Variants in LGR5 observed in about 807,000 individuals in gnomAD.
LGR5 encodes the protein leucine rich repeat containing G protein-coupled receptor 5, also known as leucine-rich repeat-containing G protein-coupled receptor 5.
In LGR5, 54 loss-of-function variants were observed where a neutral mutation model predicts 76.7. That is an observed-to-expected ratio of 0.70 (90% CI 0.57 to 0.88). The LOEUF (loss-of-function observed/expected upper bound fraction) is 0.88, where lower values mean the gene tolerates loss of function less well. LGR5 is among the 40% of genes least tolerant of loss of function. LGR5 has a pLI of 0.00. For synonymous variants in LGR5, 406 were observed against 421.9 expected (o/e 0.96, Z 0.46); for missense variants, 1,078 against 1,073.3 (o/e 1.00, Z -0.06).
chr12:71,584,357 G>C lies in LGR5; in HGVS notation c.2347G>C (p.Ala783Pro). The C allele has an allele frequency of 6.2e-7, 1 of 1,614,182 alleles. No individual in the cohort carries two copies. The highest frequency in any genetic ancestry group is 8.5e-7 in the Non-Finnish European group (1 of 1,180,028). The change falls in exon 18 of 18, where the codon GCT (alanine) becomes CCT (proline). Residue 783 changes from alanine (A) to proline (P), a missense_variant. Ala to Pro is a conservative substitution (Grantham distance 27). Coordinates refer to ENST00000266674, the MANE Select transcript of LGR5 (RefSeq NM_003667.4). The stretch of plus-strand genomic sequence containing the variant: ...CAACTGCATCCTAAACTGCCCTGTG[G>C]CTTTCTTGTCCTTCTCCTCTTTAAT... The part of the protein sequence containing the change: ...FTNCILNCPV[A>P]FLSFSSLINL...
intron 5 of LGR5, among the ~76,000 whole-genome samples, chr12:71,555,873 G>A (rs1565752039): frequency 6.6e-6 from 1 of 152,172 alleles, no homozygotes; most frequent in African/African-American, 2.4e-5. Flanking sequence ...ACACATGCAT[G>A]TGTATGTTCA....
At chr12:71,487,864 G>T (rs761623197) in intron 1 of LGR5, among the ~76,000 whole-genome samples, 3 of 152,160 alleles carry the variant, frequency 2.0e-5, no homozygotes, top group Non-Finnish European at 2.9e-5. Context: ...TTCTGTGAAG[G>T]TTTTCTATGC....
At chr12:71,522,458 C>A (rs143781054) in intron 2 of LGR5, among the ~76,000 whole-genome samples, 1 of 152,100 alleles carries the variant, frequency 6.6e-6, no homozygotes, top group Non-Finnish European at 1.5e-5. Flanking sequence ...TTATTAAGTG[C>A]CAACACCATG....
intron 1 of LGR5, among the ~76,000 whole-genome samples, chr12:71,479,828 G>C (rs1873506457): frequency 6.6e-6 from 1 of 152,174 alleles, no homozygotes; most frequent in African/African-American, 2.4e-5. Flanking sequence ...GTAATGGAGG[G>C]ATGGAGGGAC....
chr12:71,530,256 C>T (rs1876237052), intron 3 of LGR5, among the ~76,000 whole-genome samples: 1 of 152,080 alleles, frequency 6.6e-6, no homozygotes, highest in African/African-American at 2.4e-5. Flanking sequence ...TAGTTGAGAA[C>T]CACAGTGCTA....
At chr12:71,459,073 T>C (rs923265896) in intron 1 of LGR5, among the ~76,000 whole-genome samples, 1 of 152,036 alleles carries the variant, frequency 6.6e-6, no homozygotes, top group African/African-American at 2.4e-5. Context: ...TCTGTACTTC[T>C]AATATATAGC....
At chr12:71,509,550 G>A (rs1169987419) in intron 2 of LGR5, among the ~76,000 whole-genome samples, 4 of 152,020 alleles carry the variant, frequency 2.6e-5, no homozygotes, top group Admixed American at 6.6e-5. Context: ...TTCCGTTAAC[G>A]CTTGCTATGT....
At chr12:71,545,057 A>T (rs1240056490) in intron 4 of LGR5, among the ~76,000 whole-genome samples, 1 of 152,142 alleles carries the variant, frequency 6.6e-6, no homozygotes, top group Non-Finnish European at 1.5e-5. Context: ...GGATTGCTTG[A>T]GCCCAGGAGT....
At position 71,566,892 on chromosome 12, in the gene LGR5, G is replaced by A. The variant is rs1878375983; in HGVS notation, c.1050G>A (p.Gln350=). 9 of 1,613,470 alleles carry A rather than the reference G, an allele frequency of 5.6e-6. No homozygotes were observed. Among genetic ancestry groups the A allele is most frequent in the Non-Finnish European group, 6.8e-6 (8 of 1,179,516 alleles). Residue 350 remains glutamine, a synonymous_variant, in exon 11 of 18, where the codon CAG becomes CAA. Coordinates refer to ENST00000266674, the MANE Select transcript of LGR5 (RefSeq NM_003667.4). The part of the protein sequence containing the change: ...ISSLPQTVCN[Q]LPNLQVLDLS... ...CTCTTCCTCAAACCGTCTGCAATCA[G>A]TTACCTAATCTCCAAGTGCTGTGCG...
intron 1 of LGR5, among the ~76,000 whole-genome samples, chr12:71,482,722 C>T (rs887426313): frequency 6.6e-6 from 1 of 152,104 alleles, no homozygotes; most frequent in African/African-American, 2.4e-5. Flanking sequence ...TACAGGACAG[C>T]CCCCATAACA....
intron 1 of LGR5, among the ~76,000 whole-genome samples, chr12:71,501,517 G>T (rs1874603627): frequency 6.6e-6 from 1 of 152,122 alleles, no homozygotes. Context: ...AGATGAGCAG[G>T]CTAAAAGTAA....
At chr12:71,455,360 G>C (rs1193006486) in intron 1 of LGR5, among the ~76,000 whole-genome samples, 1 of 152,098 alleles carries the variant, frequency 6.6e-6, no homozygotes, top group East Asian at 1.9e-4. Context: ...GAGTCTACCA[G>C]CTTGACATTG....
At chr12:71,485,162 G>A (rs190681713) in intron 1 of LGR5, among the ~76,000 whole-genome samples, 1 of 152,090 alleles carries the variant, frequency 6.6e-6, no homozygotes, top group East Asian at 1.9e-4. Context: ...AGAAAGAGAG[G>A]GAAAGTCTAT....
intron 1 of LGR5, among the ~76,000 whole-genome samples, chr12:71,445,585 T>A (rs1871952597): frequency 6.6e-6 from 1 of 152,226 alleles, no homozygotes; most frequent in African/African-American, 2.4e-5. Context: ...TTCTCATAAT[T>A]CAAAACTGAT....
At chr12:71,451,441 A>T (rs1303250171) in intron 1 of LGR5, among the ~76,000 whole-genome samples, 1 of 152,098 alleles carries the variant, frequency 6.6e-6, no homozygotes, top group Non-Finnish European at 1.5e-5. Context: ...GCATCTTACA[A>T]TTTCCCTATT....
intron 1 of LGR5, among the ~76,000 whole-genome samples, chr12:71,493,157 C>G (rs1486733974): frequency 2.0e-5 from 3 of 151,200 alleles, no homozygotes; most frequent in Non-Finnish European, 4.4e-5. Context: ...AATAACGGAC[C>G]AATCTTTTGT....
At chr12:71,486,419 T>C (rs773587806) in intron 1 of LGR5, among the ~76,000 whole-genome samples, 14 of 152,058 alleles carry the variant, frequency 9.2e-5, no homozygotes, top group Non-Finnish European at 1.6e-4. Flanking sequence ...GGAGTCAACA[T>C]CATGACTATA....
At chr12:71,508,142 C>T (rs528209545) in intron 2 of LGR5, among the ~76,000 whole-genome samples, 78 of 151,644 alleles carry the variant, frequency 5.1e-4, no homozygotes, top group Non-Finnish European at 8.4e-4. Flanking sequence ...GCAAGGGAAT[C>T]GCTTGAACCC....
intron 2 of LGR5, among the ~76,000 whole-genome samples, chr12:71,516,709 G>A (rs1216813748): frequency 6.6e-6 from 1 of 152,054 alleles, no homozygotes; most frequent in Non-Finnish European, 1.5e-5. Flanking sequence ...CCAAAATACT[G>A]TAGATGGTTT....
Sources: allele counts gnomAD v4.1 joint callset (sites outside exome capture counted in the v4.1 genomes callset), GRCh38; gene constraint gnomAD v4.1.1; transcripts MANE v1.5; gene names NCBI Gene and HGNC (gene_info 2026-07-23, HGNC 2026-07-21).